AKAP19: variants seen among roughly 807,000 people sequenced by gnomAD.
The protein encoded by AKAP19 is A-kinase anchoring protein 19, also known as small A-kinase anchoring protein.
the AKAP19 span, among the ~76,000 whole-genome samples, chr2:190,067,050 G>A: frequency 6.6e-6 from 1 of 152,016 alleles, no homozygotes; most frequent in Admixed American, 6.6e-5. Context: ...CTCAGGATTT[G>A]TTTATACTCT....
chr2:189,973,784 T>G, the AKAP19 span, among the ~76,000 whole-genome samples: 98 of 152,202 alleles, frequency 6.4e-4, no homozygotes, highest in African/African-American at 2.1e-3. Context: ...GGTGTCTATA[T>G]TATTCTCTGA....
chr2:190,150,422 C>T, the AKAP19 span: 3 of 152,164 alleles, frequency 2.0e-5, no homozygotes, highest in Admixed American at 1.3e-4. Flanking sequence ...GTTTTTCACT[C>T]GGCTCTCCAA....
the AKAP19 span, among the ~76,000 whole-genome samples, chr2:190,017,531 C>G: frequency 4.6e-5 from 7 of 152,202 alleles, no homozygotes; most frequent in African/African-American, 1.7e-4. Context: ...TGATCTTACA[C>G]CACAATTCTA....
the AKAP19 span, among the ~76,000 whole-genome samples, chr2:189,917,068 TGAA>T: frequency 6.6e-6 from 1 of 152,158 alleles, no homozygotes; most frequent in African/African-American, 2.4e-5. Flanking sequence ...ATAAGGTTCT[TGAA>T]GAATATAATG....
the AKAP19 span, among the ~76,000 whole-genome samples, chr2:189,885,995 G>A: frequency 6.6e-6 from 1 of 152,058 alleles, no homozygotes; most frequent in African/African-American, 2.4e-5. Context: ...TTTTAGTAGA[G>A]ACGGGGTTTC....
At chr2:190,123,543 T>C in the AKAP19 span, among the ~76,000 whole-genome samples, 1 of 152,204 alleles carries the variant, frequency 6.6e-6, no homozygotes, top group African/African-American at 2.4e-5. Flanking sequence ...CCACATTTAA[T>C]TTAAGTGCAT....
the AKAP19 span, among the ~76,000 whole-genome samples, chr2:190,050,664 G>A: frequency 6.6e-6 from 1 of 152,168 alleles, no homozygotes; most frequent in Non-Finnish European, 1.5e-5. Flanking sequence ...ATGGTAGCAA[G>A]TGCAAGAGTC....
the AKAP19 span, among the ~76,000 whole-genome samples, chr2:190,176,778 GC>G: frequency 1.3e-5 from 2 of 152,212 alleles, no homozygotes; most frequent in South Asian, 4.1e-4. This position sits in a 1 kb window ranked among gnomAD's most constrained non-coding sequence, Gnocchi z 4.7. Flanking sequence ...GTATCCTAAA[GC>G]CTTAATTAGG....
chr2:189,882,856 A>G, the AKAP19 span, among the ~76,000 whole-genome samples: 3 of 152,056 alleles, frequency 2.0e-5, no homozygotes, highest in African/African-American at 7.2e-5. Context: ...AATGGGAGGC[A>G]GGTTTGTCTG....
chr2:190,037,544 G>A, the AKAP19 span, among the ~76,000 whole-genome samples: 3 of 152,314 alleles, frequency 2.0e-5, no homozygotes, highest in African/African-American at 4.8e-5. Flanking sequence ...TTAGAGTATA[G>A]ACTCCATAGC....
At chr2:190,121,011 A>G in the AKAP19 span, among the ~76,000 whole-genome samples, 1 of 151,602 alleles carries the variant, frequency 6.6e-6, no homozygotes. Context: ...AATTTGGGGG[A>G]GTTCGTGTGA....
chr2:190,150,402 C>T, the AKAP19 span: 4 of 152,262 alleles, frequency 2.6e-5, no homozygotes, highest in African/African-American at 9.6e-5. Context: ...CTGCTGCTTC[C>T]TCTACCACTG....
At chr2:190,102,044 A>G in the AKAP19 span, among the ~76,000 whole-genome samples, 1 of 152,222 alleles carries the variant, frequency 6.6e-6, no homozygotes, top group Middle Eastern at 3.2e-3. Flanking sequence ...AATACAAAGA[A>G]GATCTCTCAA....
chr2:190,012,458 A>G, the AKAP19 span, among the ~76,000 whole-genome samples: 6 of 152,036 alleles, frequency 3.9e-5, no homozygotes, highest in African/African-American at 7.2e-5. Context: ...ACTGATTTTT[A>G]TGTGTTGATT....
At chr2:189,983,170 T>C in the AKAP19 span, among the ~76,000 whole-genome samples, 1 of 152,260 alleles carries the variant, frequency 6.6e-6, no homozygotes, top group East Asian at 1.9e-4. Flanking sequence ...TGCTTCCTTA[T>C]TATGCTCCTG....
At chr2:190,169,394 G>T in the AKAP19 span, among the ~76,000 whole-genome samples, 1 of 152,140 alleles carries the variant, frequency 6.6e-6, no homozygotes, top group Non-Finnish European at 1.5e-5. Flanking sequence ...GCTCAAGCTG[G>T]TGAGGTGGTC....
the AKAP19 span, among the ~76,000 whole-genome samples, chr2:190,134,504 T>C: frequency 2.0e-5 from 3 of 152,122 alleles, no homozygotes; most frequent in Non-Finnish European, 4.4e-5. Flanking sequence ...TATCTTTTAG[T>C]TTAATACTTA....
chr2:190,081,418 C>G, the AKAP19 span, among the ~76,000 whole-genome samples: 2 of 152,142 alleles, frequency 1.3e-5, no homozygotes, highest in African/African-American at 4.8e-5. Flanking sequence ...CCCAGAGGAA[C>G]TTAGTTCCAG....
chr2:190,177,381 C>T, the AKAP19 span, among the ~76,000 whole-genome samples: 11 of 152,196 alleles, frequency 7.2e-5, no homozygotes, highest in Non-Finnish European at 1.3e-4. The surrounding 1 kb of genome is among the most constrained non-coding windows in gnomAD (Gnocchi z 4.6). Flanking sequence ...ATGCCATCCC[C>T]CTCTCCAGTC....
Sources: gnomAD v4.1 joint callset for allele counts (sites outside exome capture counted in the v4.1 genomes callset) on GRCh38, gnomAD v4.1.1 for gene constraint, Gnocchi (gnomAD v3.1) non-coding constraint, MANE v1.5 for transcripts, NCBI Gene and HGNC (gene_info 2026-07-23, HGNC 2026-07-21) for gene names.